TLL1: variants seen among roughly 807,000 people sequenced by gnomAD.
TLL1 encodes tolloid like 1.
In TLL1, 49 loss-of-function variants were observed where a neutral mutation model predicts 128.2. That is an observed-to-expected ratio of 0.38 (90% CI 0.30 to 0.48). The LOEUF (loss-of-function observed/expected upper bound fraction) is 0.48. TLL1 is among the 20% of genes least tolerant of loss of function. TLL1 has a pLI of 0.96. For missense variants in TLL1, 1,123 were observed against 1,242.0 expected (o/e 0.90, Z 1.44); for synonymous variants, 454 against 418.8 (o/e 1.08, Z -1.03).
At chr4:165,896,479 C>CTTTTTT (rs70955648) in intron 1 of TLL1, among the ~76,000 whole-genome samples, 1 of 102,160 alleles carries the variant, frequency 9.8e-6, no homozygotes, top group African/African-American at 3.6e-5. Context: ...AATGGTATTT[C>CTTTTTT]TTTTTTTTTT....
At position 166,043,292 on chromosome 4, in the gene TLL1, T is replaced by C; in HGVS notation, c.1397T>C (p.Ile466Thr). 3 of 1,614,118 alleles carry C rather than the reference T, an allele frequency of 1.9e-6. No homozygotes were observed. Among genetic ancestry groups the C allele is most frequent in the African/African-American group, 1.3e-5 (1 of 75,040 alleles). ...TCTTCAGCGATCTGTGGAGGTGAGA[T>C]ACGTAAAAATGAAGGACAGATTCAG... ...AVYEAICGGE[I>T]RKNEGQIQSP... is the part of the protein sequence containing the mutation. The change falls in exon 12 of 21, where the codon ATA (isoleucine) becomes ACA (threonine). Residue 466 changes from isoleucine to threonine, a missense_variant. This residue lies in a region of TLL1 where 634 missense variants were observed against 672.4 expected (regional missense o/e 0.94). Coordinates refer to ENST00000061240, the MANE Select transcript of TLL1 (RefSeq NM_012464.5).
intron 15 of TLL1, among the ~76,000 whole-genome samples, chr4:166,064,770 C>A (rs1336497669): frequency 6.6e-6 from 1 of 151,996 alleles, no homozygotes; most frequent in Non-Finnish European, 1.5e-5. Flanking sequence ...GCAATTGTAA[C>A]AAAGTAAGTA....
In TLL1 at chr4:166,039,390, T is replaced by C; in HGVS notation, c.1210T>C (p.Tyr404His). 2 of 1,613,550 alleles carry C rather than the reference T, an allele frequency of 1.2e-6. No homozygotes were observed. The highest frequency in any genetic ancestry group is 2.7e-5 in the African/African-American group (2 of 75,026). The change falls in exon 10 of 21, where the codon TAT becomes CAT. Residue 404 changes from tyrosine (Y) to histidine (H), a missense_variant. Tyr to His is a moderately conservative substitution (Grantham distance 83). This residue lies in a region of TLL1 where 480 missense variants were observed against 542.4 expected (regional missense o/e 0.89). Transcript: ENST00000061240. ...TCTATACAAGAGTAGTTTGTGCTGG[T>C]ATGACTATATTGAAGTAAGAGACGG... ...MDLYKSSLCW[Y>H]DYIEVRDGYW...
At chr4:166,009,443 C>G (rs180985956) in intron 7 of TLL1, among the ~76,000 whole-genome samples, 33 of 151,410 alleles carry the variant, frequency 2.2e-4, no homozygotes, top group Admixed American at 1.2e-3. Context: ...TGTATGTTTC[C>G]CCTTATTCTA....
chr4:166,075,515 A>G (rs1740981378), intron 17 of TLL1, among the ~76,000 whole-genome samples: 1 of 152,202 alleles, frequency 6.6e-6, no homozygotes, highest in African/African-American at 2.4e-5. Context: ...GTTTTGGTCC[A>G]GAAAAGCTTA....
At chr4:166,077,227 T>A (rs2111140061) in intron 17 of TLL1, among the ~76,000 whole-genome samples, 1 of 103,100 alleles carries the variant, frequency 9.7e-6, no homozygotes, top group Non-Finnish European at 2.0e-5. Flanking sequence ...TTATTTTAAT[T>A]GTAAAAAAAA....
intron 1 of TLL1, among the ~76,000 whole-genome samples, chr4:165,896,276 G>A (rs1579453677): frequency 6.6e-6 from 1 of 151,990 alleles, no homozygotes; most frequent in African/African-American, 2.4e-5. Flanking sequence ...CATTTTTTAT[G>A]GCTGCATATT....
intron 18 of TLL1, among the ~76,000 whole-genome samples, chr4:166,088,267 A>T (rs1741612629): frequency 6.6e-6 from 1 of 152,160 alleles, no homozygotes; most frequent in East Asian, 1.9e-4. Flanking sequence ...ATTCTTTATT[A>T]TTTAGATATT....
intron 15 of TLL1, among the ~76,000 whole-genome samples, chr4:166,061,765 T>C (rs1740325003): frequency 6.6e-6 from 1 of 152,180 alleles, no homozygotes. Context: ...TCATTGCTTT[T>C]GGTGTTTTAT....
chr4:165,897,220 C>CTT (rs1322519346), intron 1 of TLL1, among the ~76,000 whole-genome samples: 1 of 152,090 alleles, frequency 6.6e-6, no homozygotes, highest in African/African-American at 2.4e-5. Context: ...TGCAGAAGCT[C>CTT]TTTAGTTTAA....
chr4:165,891,085 T>C lies in TLL1; in HGVS notation c.169+17012T>C, dbSNP rs1196723913. The stretch of plus-strand genomic sequence containing the variant: ...CTCTGAAGCAATGGCCTGAGCTGCA[T>C]ATTTTTCCCTTTTAGCCACGGTTCA... On this transcript the variant is annotated intron_variant, in intron 1 of 20. Transcript: ENST00000061240. 2.0e-5 allele frequency among the ~76,000 whole-genome samples: 3 copies of C among 152,138 alleles called. No homozygotes were observed. In the East Asian group the frequency reaches 5.8e-4, roughly 29 times the overall value.
chr4:166,066,051 G>A (rs1393846188), intron 16 of TLL1, among the ~76,000 whole-genome samples, 188 bp downstream of exon 16: 1 of 34,698 alleles, frequency 2.9e-5, no homozygotes, highest in Non-Finnish European at 5.1e-5. Flanking sequence ...AGGTGGATGG[G>A]AATAATGATA....
At chr4:165,999,294 G>A (rs1020385672) in intron 5 of TLL1, among the ~76,000 whole-genome samples, 1 of 152,162 alleles carries the variant, frequency 6.6e-6, no homozygotes, top group Non-Finnish European at 1.5e-5. Context: ...ACCTGAGACT[G>A]GGTAATTTAT....
At chr4:165,961,401 A>T (rs1194298779) in intron 1 of TLL1, among the ~76,000 whole-genome samples, 2 of 152,172 alleles carry the variant, frequency 1.3e-5, no homozygotes, top group African/African-American at 4.8e-5. Context: ...TGCCCAAAGT[A>T]ATTTACAGAT....
At chr4:165,896,899 C>A (rs1219315931) in intron 1 of TLL1, among the ~76,000 whole-genome samples, 2 of 152,200 alleles carry the variant, frequency 1.3e-5, no homozygotes, top group African/African-American at 4.8e-5. Flanking sequence ...TTTCCACATC[C>A]TCTCCAGCAT....
At position 166,035,176 on chromosome 4, in the gene TLL1, A is replaced by C. The variant is rs182447525; in HGVS notation, c.1159-4163A>C. Among the ~76,000 whole-genome samples, 279 of 152,316 alleles carry C rather than the reference A, an allele frequency of 1.8e-3. 4 individuals are homozygous for C. Among genetic ancestry groups the C allele is most frequent in the Non-Finnish European group, 6.2e-4 (42 of 68,026 alleles). ...TGACTAGTGAGTGATGATTCATCAA[A>C]ATTTCAAAGTCAGATGTTATCACAT... On this transcript the variant is annotated intron_variant, in intron 9 of 20. Coordinates refer to ENST00000061240, the MANE Select transcript of TLL1 (RefSeq NM_012464.5).
Position 165,926,676 on chromosome 4 carries a change from G to A in TLL1, c.169+52603G>A, listed in dbSNP as rs79279649. Among the ~76,000 whole-genome samples, 275 of 152,238 alleles carry A rather than the reference G, an allele frequency of 1.8e-3. 4 individuals carry two copies. Among genetic ancestry groups the A allele is most frequent in the Admixed American group, 0.013 (200 of 15,292 alleles). On this transcript the variant is annotated intron_variant, in intron 1 of 20. Transcript: ENST00000061240. ...AAAGCTGGCATTAGTGCCAGGTATC[G>A]TGTTTATTGATATTTAAGCCAGAGT...
At chr4:166,059,966 A>G (rs983191813) in intron 14 of TLL1, 62 bp from the exon 15 acceptor site, 5 of 1,587,550 alleles carry the variant, frequency 3.1e-6, no homozygotes, top group Admixed American at 1.7e-5. Context: ...ATTAATGGAC[A>G]GGTGCTAAGA....
chr4:166,020,784 A>G (rs1482262927), intron 8 of TLL1, among the ~76,000 whole-genome samples: 1 of 152,222 alleles, frequency 6.6e-6, no homozygotes, highest in Non-Finnish European at 1.5e-5. Context: ...GTCAAGTAAC[A>G]TAGTGAAATT....
Sources: gnomAD v4.1 joint callset for allele counts (sites outside exome capture counted in the v4.1 genomes callset) on GRCh38, gnomAD v4.1.1 for gene constraint, gnomAD v4.1.1 regional missense constraint, MANE v1.5 for transcripts, NCBI Gene and HGNC (gene_info 2026-07-23, HGNC 2026-07-21) for gene names.